The following APOBEC3F variants were observed in gnomAD, a reference collection of about 807,000 sequenced individuals.
The protein encoded by APOBEC3F is DNA dC->dU-editing enzyme APOBEC-3F.
Under a neutral mutation model 45.8 loss-of-function variants are expected in APOBEC3F, and 34 were observed. The observed-to-expected ratio is 0.74, with a 90% confidence interval of 0.57 to 0.99. The LOEUF is 0.99. Among genes scored for constraint, APOBEC3F ranks in the 50% least tolerant of loss-of-function variants. The probability of loss-of-function intolerance (pLI) is 0.00; values close to 1 mark genes in which losing one functional copy is unlikely to be tolerated. For synonymous variants in APOBEC3F, 192 were observed against 174.4 expected, an observed-to-expected ratio of 1.10 and a Z score of -0.80; for missense variants, 459 against 474.1, an observed-to-expected ratio of 0.97 and a Z score of 0.30.
intron 1 of APOBEC3F, among the ~76,000 whole-genome samples, chr22:39,041,223 C>T (rs1282961249): frequency 6.6e-6 from 1 of 152,104 alleles, no homozygotes; most frequent in African/African-American, 2.4e-5. Context: ...GACTCTCCCC[C>T]GCCACCGAAA....
At chr22:39,050,622 A>C (rs1927440512) in intron 5 of APOBEC3F, among the ~76,000 whole-genome samples, 1 of 151,694 alleles carries the variant, frequency 6.6e-6, no homozygotes, top group Admixed American at 6.6e-5. Flanking sequence ...ACATATACTT[A>C]ATATAAAATG....
rs1927607543 is a variant in APOBEC3F, at chr22:39,053,838, C to T, written c.*1143C>T. The T allele has an allele frequency of 6.6e-6, 1 of 152,172 alleles. No homozygotes were observed. Among genetic ancestry groups the T allele is most frequent in the Admixed American group, 6.5e-5 (1 of 15,268 alleles). The allele number at this position is 152,172 out of a possible 1,614,324, so 9.4% of individuals were successfully genotyped here. ...AATGGACTTCTCTGCAAGCCTGACT[C>T]CTGAAACTGTGCATTGTACCCTGAA... On this transcript the variant is annotated 3_prime_UTR_variant, in exon 7 of 7. Coordinates refer to ENST00000308521, the MANE Select transcript of APOBEC3F (RefSeq NM_145298.6).
chr22:39,041,099 G>C (rs376924259), intron 1 of APOBEC3F, 122 bp downstream of exon 1: 1 of 1,488,650 alleles, frequency 6.7e-7, no homozygotes, highest in African/African-American at 1.4e-5. Context: ...CTCCCCTCTG[G>C]CTCCCCTGCC....
chr22:39,047,417 G>A (rs1298468586), intron 4 of APOBEC3F, among the ~76,000 whole-genome samples: 1 of 152,094 alleles, frequency 6.6e-6, no homozygotes, highest in Non-Finnish European at 1.5e-5. Context: ...CCTGGAACAA[G>A]GGCCCTGGAA....
chr22:39,045,256 A>G (rs1927154172), intron 3 of APOBEC3F, 36 bp downstream of exon 3: 5 of 1,606,594 alleles, frequency 3.1e-6, no homozygotes, highest in Non-Finnish European at 2.6e-6. Context: ...CGTGAGCGGG[A>G]GGAACAGCAT....
rs768209849 is a variant in APOBEC3F at position 39,049,562 on chromosome 22, G to C, written c.704G>C (p.Arg235Thr). Residue 235 changes from arginine (R) to threonine (T), a missense_variant, in exon 5 of 7, where the codon AGG (arginine) becomes ACG (threonine). By Grantham distance (71) the Arg-to-Thr change is moderately conservative. Coordinates refer to ENST00000308521, the MANE Select transcript of APOBEC3F (RefSeq NM_145298.6). ...CACCACTCACCTGTCTCCTGGAAGA[G>C]GGGCGTCTTCCGAAACCAGGTAGCA... ...VKHHSPVSWK[R>T]GVFRNQVDPE... is the part of the protein sequence containing the mutation. 2 of 1,614,066 alleles carry C rather than the reference G, an allele frequency of 1.2e-6. No homozygotes were observed. The highest frequency in any genetic ancestry group is 1.7e-6 in the Non-Finnish European group (2 of 1,179,990).
intron 5 of APOBEC3F, 92 bp downstream of exon 5, chr22:39,049,673 C>T (rs1211466148): frequency 1.6e-5 from 22 of 1,409,510 alleles, no homozygotes; most frequent in Non-Finnish European, 2.1e-5. Context: ...CGTGGGCTTT[C>T]CTGTGTGTAC....
At chr22:39,043,369 C>T (rs1209428737) in intron 2 of APOBEC3F, among the ~76,000 whole-genome samples, 11 of 148,922 alleles carry the variant, frequency 7.4e-5, no homozygotes, top group Non-Finnish European at 1.2e-4. Flanking sequence ...GACGCGATCT[C>T]GGCTCACAGC....
chr22:39,053,429 C>G lies in APOBEC3F; in HGVS notation c.*734C>G, dbSNP rs942474031. Reference sequence around the variant, plus strand: ...TTCGAGACCAGCCTGGGCCACATGACAAAGCCCCATCTCTACAAAAAAATT... The same window carrying G: ...TTCGAGACCAGCCTGGGCCACATGAGAAAGCCCCATCTCTACAAAAAAATT... On this transcript the variant is annotated 3_prime_UTR_variant, in exon 7 of 7. Coordinates refer to ENST00000308521, the MANE Select transcript of APOBEC3F (RefSeq NM_145298.6). The G allele has an allele frequency of 6.8e-6, 1 of 147,478 alleles. No homozygotes were observed. The allele number at this position is 147,478 out of a possible 1,614,324, so 9.1% of individuals were successfully genotyped here.
At chr22:39,043,913 T>C (rs1927061268) in intron 2 of APOBEC3F, among the ~76,000 whole-genome samples, 1 of 151,904 alleles carries the variant, frequency 6.6e-6, no homozygotes, top group African/African-American at 2.4e-5. Context: ...TAATCCCAGC[T>C]ACTTGGGAGG....
In APOBEC3F at chr22:39,044,955, T is replaced by G; in HGVS notation, c.186T>G (p.Pro62=). 1 of 1,613,620 alleles carries G rather than the reference T, an allele frequency of 6.2e-7. No individual in the cohort carries two copies. Among genetic ancestry groups the G allele is most frequent in the Non-Finnish European group, 8.5e-7 (1 of 1,179,910 alleles). ...TCCTCTCCCAGGTGTATTCCCAGCC[T>G]GAGCACCACGCAGAAATGTGCTTCC... The part of the protein sequence containing the change: ...KIFRGQVYSQ[P]EHHAEMCFLS... The change falls in exon 3 of 7, where the codon CCT becomes CCG. Residue 62 remains proline, a synonymous_variant. Transcript: ENST00000308521.
chr22:39,050,051 T>C lies in APOBEC3F; in HGVS notation c.723+470T>C, dbSNP rs568770207. Among the ~76,000 whole-genome samples, 6 of 151,916 alleles carry C rather than the reference T, an allele frequency of 3.9e-5. No homozygotes were observed. The East Asian group carries it at 7.8e-4, about 20-fold the overall frequency. ...TGGCCCAGATCTTCCTCCCTAACTT[T>C]CCTGGGATCAGATTGTCGAGGGGTT... On this transcript the variant is annotated intron_variant, in intron 5 of 6. Coordinates refer to ENST00000308521, the MANE Select transcript of APOBEC3F (RefSeq NM_145298.6).
rs1926849350 is a variant in APOBEC3F, at chr22:39,040,956, C to T, written c.-5C>T. ...AAGATCTTAGTCGGGACTAGCCGGC[C>T]AAGGATGAAGCCTCACTTCAGGTAC... On this transcript the variant is annotated 5_prime_UTR_variant, in exon 1 of 7. Transcript: ENST00000308521. The T allele has an allele frequency of 3.2e-6, 5 of 1,580,020 alleles. No individual in the cohort carries two copies. The East Asian group carries it at 9.2e-5, about 29-fold the overall frequency.
At chr22:39,052,447 G>A in intron 6 of APOBEC3F, 94 bp downstream of exon 6, 2 of 1,578,912 alleles carry the variant, frequency 1.3e-6, no homozygotes, top group South Asian at 2.4e-5. Flanking sequence ...CAGTGTCCCG[G>A]GAAGCCTGCA....
In APOBEC3F at chr22:39,052,719, C is replaced by G. The variant is rs1164027684; in HGVS notation, c.*24C>G. On this transcript the variant is annotated 3_prime_UTR_variant, in exon 7 of 7. Transcript: ENST00000308521. ...GAGGGGTCTCCCCGGGCCTCATGGTCTGTCTCCTCTAGCCTCCTGCTCATG... is the reference window on the plus strand; with the variant it reads ...GAGGGGTCTCCCCGGGCCTCATGGTGTGTCTCCTCTAGCCTCCTGCTCATG... The G allele has an allele frequency of 6.2e-7, 1 of 1,601,762 alleles. No homozygotes were observed. Among genetic ancestry groups the G allele is most frequent in the Non-Finnish European group, 8.5e-7 (1 of 1,173,558 alleles).
rs1028806894 is a variant in APOBEC3F at position 39,052,020 on chromosome 22, A to C, written c.724-54A>C. 2.5e-6 allele frequency: 4 copies of C among 1,600,042 alleles called. No homozygotes were observed. The South Asian group carries it at 3.4e-5, about 13-fold the overall frequency. ...TCTGCTCCCATCGCCCCACCCCTGC[A>C]CTCCTCCTGCTCCTAGTCTGAGCTC... On this transcript the variant is annotated intron_variant, in intron 5 of 6. Transcript: ENST00000308521.
At position 39,044,931 on chromosome 22, in the gene APOBEC3F, C is replaced by T. The variant is rs1268316420; in HGVS notation, c.172-10C>T. On this transcript the variant is annotated splice_polypyrimidine_tract_variant and intron_variant, in intron 2 of 6. Transcript: ENST00000308521. ...CTCAGAGCATCCCCTGCCCCCTGCTCCTCTCCCAGGTGTATTCCCAGCCTG... is the reference window on the plus strand; with the variant it reads ...CTCAGAGCATCCCCTGCCCCCTGCTTCTCTCCCAGGTGTATTCCCAGCCTG... The T allele has an allele frequency of 1.2e-6, 2 of 1,612,210 alleles. No homozygotes were observed. The highest frequency in any genetic ancestry group is 8.5e-7 in the Non-Finnish European group (1 of 1,178,702).
chr22:39,045,375 C>G (rs967496782), intron 3 of APOBEC3F, 53 bp from the exon 4 acceptor site: 6 of 1,612,524 alleles, frequency 3.7e-6, no homozygotes, highest in South Asian at 3.3e-5. Context: ...GGCCTGGGAG[C>G]GCGGGCCCAG....
rs533876307 is a variant in APOBEC3F, at chr22:39,040,889, C to A, written c.-72C>A. On this transcript the variant is annotated 5_prime_UTR_variant, in exon 1 of 7. It adds an upstream start codon to the 5' untranslated region. Transcript: ENST00000308521. ...ACTTTAGGGAGGGCTGTCCTGAAACCTGGAGCCTGGAGCAGAAAGTGAAAC... is the reference window on the plus strand; with the variant it reads ...ACTTTAGGGAGGGCTGTCCTGAAACATGGAGCCTGGAGCAGAAAGTGAAAC... 6.4e-7 allele frequency: 1 copy of A among 1,552,198 alleles called. No homozygotes were observed. The highest frequency in any genetic ancestry group is 1.4e-5 in the African/African-American group (1 of 73,230).
Sources: allele counts gnomAD v4.1 joint callset (sites outside exome capture counted in the v4.1 genomes callset), GRCh38; gene constraint gnomAD v4.1.1; transcripts MANE v1.5; gene names NCBI Gene and HGNC (gene_info 2026-07-23, HGNC 2026-07-21).